IBA57: variants seen among roughly 807,000 people sequenced by gnomAD.
IBA57 encodes the protein iron-sulfur cluster assembly factor IBA57, mitochondrial.
A neutral mutation model predicts 20.4 loss-of-function variants in IBA57; 20 were observed. The observed-to-expected ratio is 0.98, with a 90% CI of 0.69 to 1.42. IBA57 has a LOEUF of 1.42. Among genes scored for constraint, IBA57 ranks in the 40% most tolerant of loss-of-function variants. IBA57 has a pLI of 0.00. For missense variants in IBA57, 608 were observed against 499.3 expected, an observed-to-expected ratio of 1.22 and a Z score of -2.07; for synonymous variants, 310 against 233.9, an observed-to-expected ratio of 1.33 and a Z score of -2.97.
chr1:228,175,172 G>T lies in IBA57; in HGVS notation c.730G>T (p.Glu244Ter). 1 of 1,612,882 alleles carries T rather than the reference G, an allele frequency of 6.2e-7. No homozygotes were observed. Among genetic ancestry groups the T allele is most frequent in the Non-Finnish European group, 8.5e-7 (1 of 1,179,948 alleles). The change falls in exon 3 of 3, where the codon GAG becomes TAG. Residue 244 changes from glutamate to a stop codon, truncating the protein, a stop_gained. Transcript: ENST00000366711. LOFTEE classifies it low-confidence loss of function (END_TRUNC). ...DLPPGVALPLESNLAFMNGVS... is the reference protein window; with the variant it reads ...DLPPGVALPL ...GCCTCCTGGGGTGGCCCTGCCCCTG[G>T]AGTCCAACCTGGCCTTCATGAACGG... is the stretch of plus-strand genomic sequence containing the variant.
In IBA57 at chr1:228,181,876, G is replaced by GC. The variant is rs2035116841; in HGVS notation, c.*6364dup. ...AAAAGTAAGAAAAAGGGTCTGTCTG[G>GC]CTATGGGCCATGGAGACCCAGGGCA... On this transcript the variant is annotated 3_prime_UTR_variant, in exon 3 of 3. Transcript: ENST00000366711. 1 of 152,228 alleles carries GC rather than the reference G, an allele frequency of 6.6e-6. No homozygotes were observed. The highest frequency in any genetic ancestry group is 2.1e-4 in the South Asian group (1 of 4,834). 9.4% of individuals were successfully genotyped at this position (152,228 alleles called of 1,614,324 possible).
At chr1:228,174,598 C>T (rs2034976037) in intron 1 of IBA57, 94 bp from the exon 2 acceptor site, 2 of 1,199,310 alleles carry the variant, frequency 1.7e-6, no homozygotes. Flanking sequence ...CCACGGTGTG[C>T]TCCTCTGCCC....
In IBA57 at chr1:228,165,903, C is replaced by T. The variant is rs1223780558; in HGVS notation, c.87C>T (p.Cys29=). The part of the protein sequence containing the change: ...WRWRLRAAPR[C]RLAHSSCSPG... ...GGCGGCTGCGCGCGGCCCCAAGGTG[C>T]CGCCTGGCCCACAGCTCCTGCAGTC... is the stretch of plus-strand genomic sequence containing the variant. The change falls in exon 1 of 3, where the codon TGC becomes TGT. Residue 29 remains cysteine, a synonymous_variant. Coordinates refer to ENST00000366711, the MANE Select transcript of IBA57 (RefSeq NM_001010867.4). 3 of 1,427,786 alleles carry T rather than the reference C, an allele frequency of 2.1e-6. No individual in the cohort carries two copies. The highest frequency in any genetic ancestry group is 2.7e-6 in the Non-Finnish European group (3 of 1,093,760). 88.4% of individuals were successfully genotyped at this position (1,427,786 alleles called of 1,614,324 possible).
chr1:228,174,008 T>C (rs2034963486), intron 1 of IBA57, among the ~76,000 whole-genome samples: 1 of 152,240 alleles, frequency 6.6e-6, no homozygotes, highest in Non-Finnish European at 1.5e-5. Flanking sequence ...CTGTGCGTTG[T>C]CTGCACGCAC....
At chr1:228,168,516 G>T (rs2034882276) in intron 1 of IBA57, among the ~76,000 whole-genome samples, 1 of 152,022 alleles carries the variant, frequency 6.6e-6, no homozygotes, top group Non-Finnish European at 1.5e-5. Flanking sequence ...ATCCTTTCTT[G>T]CCTGGTCTGG....
chr1:228,165,808 T>G lies in IBA57; in HGVS notation c.-9T>G, dbSNP rs1189542525. 2 of 1,293,580 alleles carry G rather than the reference T, an allele frequency of 1.5e-6. No homozygotes were observed. Among genetic ancestry groups the G allele is most frequent in the Non-Finnish European group, 9.8e-7 (1 of 1,024,578 alleles). 80.1% of individuals were successfully genotyped at this position (1,293,580 alleles called of 1,614,324 possible). ...TTGGGCCCTTCCCGCTGCCCCACTC[T>G]TGTCCAAGATGGCGACCGCGGCGCT... On this transcript the variant is annotated 5_prime_UTR_variant, in exon 1 of 3. Transcript: ENST00000366711.
Position 228,175,393 on chromosome 1 carries a change from G to A in IBA57, c.951G>A (p.Val317=). 6.2e-7 allele frequency: 1 copy of A among 1,612,896 alleles called. No homozygotes were observed. The highest frequency in any genetic ancestry group is 1.1e-5 in the South Asian group (1 of 91,074). ...VGKFRAGQGN[V]GLALLWSEKI... ...AGTTCAGGGCTGGCCAGGGCAACGT[G>A]GGGCTGGCCCTGCTGTGGTCAGAGA... Residue 317 remains valine, a synonymous_variant, in exon 3 of 3, where the codon GTG becomes GTA. Coordinates refer to ENST00000366711, the MANE Select transcript of IBA57 (RefSeq NM_001010867.4).
At chr1:228,169,560 A>C (rs565396915) in intron 1 of IBA57, among the ~76,000 whole-genome samples, 2 of 152,254 alleles carry the variant, frequency 1.3e-5, no homozygotes, top group African/African-American at 4.8e-5. Context: ...CATCACTTGG[A>C]GTACAGTTTC....
intron 1 of IBA57, among the ~76,000 whole-genome samples, chr1:228,167,794 A>G (rs1016886946): frequency 1.3e-5 from 2 of 152,218 alleles, no homozygotes; most frequent in African/African-American, 4.8e-5. Flanking sequence ...CAGTTCAGAG[A>G]TATAGTCATC....
At chr1:228,169,927 C>T (rs192720837) in intron 1 of IBA57, among the ~76,000 whole-genome samples, 8 of 152,080 alleles carry the variant, frequency 5.3e-5, no homozygotes, top group African/African-American at 1.4e-4. Context: ...AGTGCAATGG[C>T]GCAATCTCGG....
In IBA57 at chr1:228,180,958, T is replaced by A. The variant is rs1042265170; in HGVS notation, c.*5445T>A. On this transcript the variant is annotated 3_prime_UTR_variant, in exon 3 of 3. Coordinates refer to ENST00000366711, the MANE Select transcript of IBA57 (RefSeq NM_001010867.4). Reference sequence around the variant, plus strand: ...ACAGGTGCATGCTAATTTTTAAAATTTTTTGTTTTTAAATGCTGGTCTTCA... The same window carrying A: ...ACAGGTGCATGCTAATTTTTAAAATATTTTGTTTTTAAATGCTGGTCTTCA... 6.6e-6 allele frequency: 1 copy of A among 151,868 alleles called. No homozygotes were observed. Among genetic ancestry groups the A allele is most frequent in the African/African-American group, 2.4e-5 (1 of 41,336 alleles). The allele number at this position is 151,868 out of a possible 1,614,324, so 9.4% of individuals were successfully genotyped here.
In IBA57 at chr1:228,175,422, T is replaced by C. The variant is rs61745091; in HGVS notation, c.980T>C (p.Ile327Thr). 6.0e-4 allele frequency: 961 copies of C among 1,612,720 alleles called. 5 individuals are homozygous for C. In the African/African-American group the frequency reaches 0.012, roughly 20 times the overall value. ...VGLALLWSEK[I>T]KGPLHIRASE... The stretch of plus-strand genomic sequence containing the variant: ...CTGGCCCTGCTGTGGTCAGAGAAGA[T>C]CAAGGGTCCTCTGCACATCAGAGCC... Residue 327 changes from isoleucine (I) to threonine (T), a missense_variant, in exon 3 of 3, where the codon ATC becomes ACC. Transcript: ENST00000366711.
At chr1:228,167,585 GACCTCAGGTGATCC>G (rs2034870256) in intron 1 of IBA57, among the ~76,000 whole-genome samples, 1 of 152,102 alleles carries the variant, frequency 6.6e-6, no homozygotes, top group Admixed American at 6.6e-5. Context: ...TCACACTCCT[GACCTCAGGTGATCC>G]ACCCGCCTCG....
rs1332847855 is a variant in IBA57 at position 228,166,235 on chromosome 1, G to A, written c.341+78G>A. 4 of 1,185,652 alleles carry A rather than the reference G, an allele frequency of 3.4e-6. No individual in the cohort carries two copies. The Admixed American group carries it at 1.2e-4, about 34-fold the overall frequency. The allele number at this position is 1,185,652 out of a possible 1,614,324, so 73.4% of individuals were successfully genotyped here. ...GGGACCGGCACCCAGGGACAGGGCG[G>A]GCGCCCGGGGCCTGCAGAGGGCGTG... On this transcript the variant is annotated intron_variant, in intron 1 of 2. Transcript: ENST00000366711.
rs778374267 is a variant in IBA57, at chr1:228,166,123, C to T, written c.307C>T (p.Gln103Ter). ...GGGCTACGCCCACTTCCTGAACGTG[C>T]AGGGCCGGACGCTCTATGACGTCAT... ...RAGYAHFLNV[Q>*]GRTLYDVILY... Residue 103 changes from glutamine (Q) to a stop codon, truncating the protein, a stop_gained, in exon 1 of 3, where the codon CAG becomes TAG. Transcript: ENST00000366711. LOFTEE classifies it high-confidence loss of function. 5.9e-6 allele frequency: 9 copies of T among 1,533,898 alleles called. No homozygotes were observed. In the East Asian group the frequency reaches 2.0e-4, roughly 34 times the overall value.
rs1418769107 is a variant in IBA57, at chr1:228,170,662, G to A, written c.342-4030G>A. ...GTAGGAGGCAGAGAGAGGCTGTAGG[G>A]TCATGTTGCAGGTAGGATTGTGGTC... is the stretch of plus-strand genomic sequence containing the variant. On this transcript the variant is annotated intron_variant, in intron 1 of 2. Coordinates refer to ENST00000366711, the MANE Select transcript of IBA57 (RefSeq NM_001010867.4). This position sits in a 1 kb window ranked among gnomAD's most constrained non-coding sequence, Gnocchi z 4.8. 6.6e-6 allele frequency among the ~76,000 whole-genome samples: 1 copy of A among 152,194 alleles called. No individual in the cohort carries two copies. The highest frequency in any genetic ancestry group is 2.4e-5 in the African/African-American group (1 of 41,446).
Position 228,175,234 on chromosome 1 carries a change from G to A in IBA57, c.792G>A (p.Glu264=). ...CCAAAGGCTGCTACATTGGCCAGGA[G>A]CTGACGGCCCGCACCCACCACATGG... is the stretch of plus-strand genomic sequence containing the variant. ...SFTKGCYIGQ[E]LTARTHHMGV... Residue 264 remains glutamate (E), a synonymous_variant, in exon 3 of 3, where the codon GAG becomes GAA. Transcript: ENST00000366711. 1 of 1,612,874 alleles carries A rather than the reference G, an allele frequency of 6.2e-7. No homozygotes were observed. The highest frequency in any genetic ancestry group is 8.5e-7 in the Non-Finnish European group (1 of 1,179,998).
chr1:228,172,032 TGTA>T (rs1168097661), intron 1 of IBA57: 3 of 152,050 alleles, frequency 2.0e-5, no homozygotes, highest in Non-Finnish European at 4.4e-5. Context: ...CCTTTCCTCT[TGTA>T]GTGCTCGGAC....
At chr1:228,166,935 A>G (rs57450243) in intron 1 of IBA57, among the ~76,000 whole-genome samples, 266 of 152,182 alleles carry the variant, frequency 1.7e-3, no homozygotes, top group African/African-American at 6.2e-3. Flanking sequence ...CACCTTTTTA[A>G]TGACTTCCTG....
Sources: gnomAD v4.1 joint callset for allele counts (sites outside exome capture counted in the v4.1 genomes callset) on GRCh38, gnomAD v4.1.1 for gene constraint, Gnocchi (gnomAD v3.1) non-coding constraint, MANE v1.5 for transcripts, NCBI Gene and HGNC (gene_info 2026-07-23, HGNC 2026-07-21) for gene names.